The following BUB1B variants were observed in gnomAD, a reference collection of about 807,000 sequenced individuals.
The protein encoded by BUB1B is mitotic checkpoint serine/threonine-protein kinase BUB1 beta.
In BUB1B, 86 loss-of-function variants were observed where a neutral mutation model predicts 137.7. The observed-to-expected ratio is 0.62, with a 90% CI of 0.52 to 0.75. The LOEUF (loss-of-function observed/expected upper bound fraction) is 0.75. BUB1B is among the 30% of genes least tolerant of loss of function. The probability of loss-of-function intolerance (pLI) is 0.00; values close to 1 mark genes in which losing one functional copy is unlikely to be tolerated. For synonymous variants in BUB1B, 420 were observed against 417.9 expected (o/e 1.00, Z -0.06); for missense variants, 1,130 against 1,236.9 (o/e 0.91, Z 1.30).
intron 11 of BUB1B, 27 bp from the exon 12 acceptor site, chr15:40,200,904 C>T (rs1267821662): frequency 1.2e-6 from 2 of 1,609,284 alleles, no homozygotes; most frequent in Non-Finnish European, 1.7e-6. Flanking sequence ...GTATTGAGCA[C>T]ATGATTTAAA....
At chr15:40,187,800 T>C (rs1427654476) in intron 8 of BUB1B, among the ~76,000 whole-genome samples, 1 of 151,624 alleles carries the variant, frequency 6.6e-6, no homozygotes, top group Non-Finnish European at 1.5e-5. Context: ...TCCCAGCTAC[T>C]TGGGAGGCTA....
chr15:40,212,373 A>AT lies in BUB1B; in HGVS notation c.2386-123dup. 6.7e-6 allele frequency: 5 copies of AT among 743,052 alleles called. No individual in the cohort carries two copies. The South Asian group carries it at 8.2e-5, about 12-fold the overall frequency. 46.0% of individuals were successfully genotyped at this position (743,052 alleles called of 1,614,324 possible). On this transcript the variant is annotated intron_variant, in intron 18 of 22. Coordinates refer to ENST00000287598, the MANE Select transcript of BUB1B (RefSeq NM_001211.6). ...GTTGTTATTGTGTCTTTTATAGTAG[A>AT]TTTATGCCTTTAAAAATATCTCTTT...
At chr15:40,209,506 A>C in intron 16 of BUB1B, 129 bp from the exon 17 acceptor site, 2 of 1,044,284 alleles carry the variant, frequency 1.9e-6, no homozygotes, top group Middle Eastern at 2.5e-4. Flanking sequence ...GAGACAGGTG[A>C]GTGTAGTTAA....
intron 21 of BUB1B, 83 bp downstream of exon 21, chr15:40,217,750 T>G (rs747340522): frequency 1.7e-5 from 25 of 1,496,840 alleles, no homozygotes; most frequent in Non-Finnish European, 2.2e-5. Context: ...AAGCTACTGT[T>G]TACTGATACC....
chr15:40,188,476 A>C (rs1337169205), intron 8 of BUB1B, among the ~76,000 whole-genome samples: 1 of 152,142 alleles, frequency 6.6e-6, no homozygotes, highest in East Asian at 1.9e-4. Flanking sequence ...CTAAAAATCT[A>C]TAATACGAGT....
chr15:40,219,069 G>A (rs931328715), intron 22 of BUB1B, among the ~76,000 whole-genome samples: 1 of 152,070 alleles, frequency 6.6e-6, no homozygotes, highest in African/African-American at 2.4e-5. Context: ...GCGCCACCAT[G>A]CCTGGCTCAT....
chr15:40,179,931 C>T (rs1384426226), intron 5 of BUB1B, among the ~76,000 whole-genome samples: 1 of 150,630 alleles, frequency 6.6e-6, no homozygotes, highest in African/African-American at 2.4e-5. Context: ...GCATTGAAAA[C>T]CCCACCAGAC....
chr15:40,196,324 A>G (rs1313003658), intron 8 of BUB1B, among the ~76,000 whole-genome samples: 2 of 152,114 alleles, frequency 1.3e-5, no homozygotes, highest in East Asian at 1.9e-4. Context: ...TGGGCTCTCT[A>G]TTCTGTTCCA....
Position 40,220,861 on chromosome 15 carries a change from T to C in BUB1B, c.*102T>C, listed in dbSNP as rs1488530661. 1 of 1,224,128 alleles carries C rather than the reference T, an allele frequency of 8.2e-7. No homozygotes were observed. The highest frequency in any genetic ancestry group is 1.5e-5 in the African/African-American group (1 of 67,478). 75.8% of individuals were successfully genotyped at this position (1,224,128 alleles called of 1,614,324 possible). A position where few individuals can be genotyped will look rare whatever the true frequency, so the allele number is the denominator to read the frequency against. On this transcript the variant is annotated 3_prime_UTR_variant, in exon 23 of 23. Transcript: ENST00000287598. ...TAATTTAATTTAGGACACATTTAGA[T>C]GCACTACCATTGCTGTTCTACTTTT... is the stretch of plus-strand genomic sequence containing the variant.
rs558188987 is a variant in BUB1B at position 40,200,208 on chromosome 15, G to A, written c.1402-36G>A. The A allele has an allele frequency of 4.2e-6, 6 of 1,426,380 alleles. No homozygotes were observed. In the East Asian group the frequency reaches 1.4e-4, roughly 33 times the overall value. 88.4% of individuals were successfully genotyped at this position (1,426,380 alleles called of 1,614,324 possible). The stretch of plus-strand genomic sequence containing the variant: ...ACTAGAAAATAGCATTTTCTGGATG[G>A]GAGGGACATTGATTTTGTTTATTTA... On this transcript the variant is annotated intron_variant, in intron 10 of 22. Transcript: ENST00000287598.
chr15:40,167,988 T>C (rs1231758746), intron 2 of BUB1B, among the ~76,000 whole-genome samples: 1 of 152,158 alleles, frequency 6.6e-6, no homozygotes, highest in African/African-American at 2.4e-5. Context: ...TCAAAATTGC[T>C]TTAGTTATTC....
At chr15:40,198,457 T>C (rs2037525669) in intron 9 of BUB1B, among the ~76,000 whole-genome samples, 1 of 152,194 alleles carries the variant, frequency 6.6e-6, no homozygotes, top group Admixed American at 6.5e-5. Context: ...GTTTGTACCC[T>C]TACATAAATC....
intron 12 of BUB1B, among the ~76,000 whole-genome samples, chr15:40,201,657 A>AT (rs953162818): frequency 1.3e-5 from 2 of 151,752 alleles, no homozygotes; most frequent in East Asian, 1.9e-4. Context: ...CTTTAAAAAA[A>AT]TTTTTTTTTA....
chr15:40,196,546 A>G lies in BUB1B; in HGVS notation c.1060A>G (p.Thr354Ala), dbSNP rs971985015. The change falls in exon 9 of 23, where the codon ACA becomes GCA. Residue 354 changes from threonine to alanine, a missense_variant and splice_region_variant. Coordinates refer to ENST00000287598, the MANE Select transcript of BUB1B (RefSeq NM_001211.6). ...VEETARQPVM[T>A]PCKIEPSINH... ...ATAATAGTAATTTTGCTTCTTTAGG[A>G]CACCATGTAAAATTGAACCTAGTAT... 2 of 1,613,100 alleles carry G rather than the reference A, an allele frequency of 1.2e-6. No homozygotes were observed. Among genetic ancestry groups the G allele is most frequent in the Non-Finnish European group, 1.7e-6 (2 of 1,179,294 alleles).
At chr15:40,182,813 C>T (rs759062253) in intron 5 of BUB1B, among the ~76,000 whole-genome samples, 1 of 152,054 alleles carries the variant, frequency 6.6e-6, no homozygotes, top group East Asian at 1.9e-4. Flanking sequence ...ATTCACATAC[C>T]ACCACTGCAA....
chr15:40,196,713 A>C lies in BUB1B; in HGVS notation c.1227A>C (p.Glu409Asp), dbSNP rs28989188. 823 of 1,613,948 alleles carry C rather than the reference A, an allele frequency of 5.1e-4. 1 individual carries two copies. Among genetic ancestry groups the C allele is most frequent in the Non-Finnish European group, 6.5e-4 (763 of 1,179,950 alleles). ...AGAAGATTTATGCAGGAGTAGGGGA[A>C]TTCTCCTTTGAAGAAATTCGGGCTG... ...CKEKIYAGVGEFSFEEIRAEV... is the reference protein window; with the variant it reads ...CKEKIYAGVGDFSFEEIRAEV... The change falls in exon 9 of 23, where the codon GAA (glutamate) becomes GAC (aspartate). Residue 409 changes from glutamate (E) to aspartate (D), a missense_variant. Physicochemically the swap from Glu to Asp is conservative, Grantham distance 45 (BLOSUM62 2). Coordinates refer to ENST00000287598, the MANE Select transcript of BUB1B (RefSeq NM_001211.6).
At chr15:40,186,976 A>C in intron 8 of BUB1B, 1 of 147,950 alleles carries the variant, frequency 6.8e-6, no homozygotes. Context: ...GCACCATCTC[A>C]GCTCACCGCA....
intron 14 of BUB1B, among the ~76,000 whole-genome samples, chr15:40,205,201 C>T (rs1039880947): frequency 6.6e-6 from 1 of 152,144 alleles, no homozygotes; most frequent in African/African-American, 2.4e-5. Context: ...CCCAACTCAG[C>T]GTCCCAAAGT....
Position 40,161,095 on chromosome 15 carries a change from G to T in BUB1B, c.-126G>T. 1 of 1,294,014 alleles carries T rather than the reference G, an allele frequency of 7.7e-7. No individual in the cohort carries two copies. Among genetic ancestry groups the T allele is most frequent in the Non-Finnish European group, 1.1e-6 (1 of 935,926 alleles). The allele number at this position is 1,294,014 out of a possible 1,614,324, so 80.2% of individuals were successfully genotyped here. A position where few individuals can be genotyped will look rare whatever the true frequency, so the allele number is the denominator to read the frequency against. ...TGGGCTTGAGGTGGCCGGTTTGTTAGGGAGTCGTGTACGTGCCTTGGTCGC... is the reference window on the plus strand; with the variant it reads ...TGGGCTTGAGGTGGCCGGTTTGTTATGGAGTCGTGTACGTGCCTTGGTCGC... On this transcript the variant is annotated 5_prime_UTR_variant, in exon 1 of 23. The change creates a new upstream start codon in the 5' untranslated region. Coordinates refer to ENST00000287598, the MANE Select transcript of BUB1B (RefSeq NM_001211.6).
Sources: gnomAD v4.1 joint callset for allele counts (sites outside exome capture counted in the v4.1 genomes callset) on GRCh38, gnomAD v4.1.1 for gene constraint, MANE v1.5 for transcripts, NCBI Gene and HGNC (gene_info 2026-07-23, HGNC 2026-07-21) for gene names.